The following SSBP3 variants were observed in gnomAD, a reference collection of about 807,000 sequenced individuals.
SSBP3 encodes the protein single-stranded DNA-binding protein 3.
In SSBP3, 5 loss-of-function variants were observed where a neutral mutation model predicts 69.6. The ratio of observed to expected loss-of-function variants is 0.07; its 90% CI spans 0.04 to 0.15. SSBP3 has a LOEUF of 0.15. Ranked by LOEUF, SSBP3 falls within the 10% of genes least tolerant of loss-of-function variation. The pLI, the probability that SSBP3 is intolerant of heterozygous loss-of-function variation, is 1.00. For missense variants in SSBP3, 312 were observed against 534.0 expected, an observed-to-expected ratio of 0.58 and a Z score of 4.10; for synonymous variants, 196 against 193.4, an observed-to-expected ratio of 1.01 and a Z score of -0.11.
chr1:54,347,319 A>G (rs1646705524), intron 4 of SSBP3, among the ~76,000 whole-genome samples: 1 of 151,588 alleles, frequency 6.6e-6, no homozygotes, highest in South Asian at 2.1e-4. Flanking sequence ...CTAATACAAT[A>G]TAAATACTAG....
intron 4 of SSBP3, among the ~76,000 whole-genome samples, chr1:54,348,887 A>G (rs1165195031): frequency 3.3e-5 from 5 of 152,160 alleles, no homozygotes; most frequent in African/African-American, 1.2e-4. Context: ...ACCTACACTC[A>G]AGGCAAGTCA....
chr1:54,397,933 G>A (rs758591676), intron 4 of SSBP3, among the ~76,000 whole-genome samples: 1 of 152,220 alleles, frequency 6.6e-6, no homozygotes, highest in African/African-American at 2.4e-5. Context: ...CCTTGCGGGG[G>A]CTTCCGTTCA....
intron 4 of SSBP3, among the ~76,000 whole-genome samples, chr1:54,332,839 C>A (rs560692127): frequency 2.0e-5 from 3 of 152,218 alleles, no homozygotes; most frequent in Non-Finnish European, 2.9e-5. Flanking sequence ...AGATTCAGTG[C>A]CCACAGGGGA....
chr1:54,239,836 G>C (rs1025477576), intron 13 of SSBP3, among the ~76,000 whole-genome samples: 4 of 152,328 alleles, frequency 2.6e-5, no homozygotes, highest in Admixed American at 2.6e-4. Context: ...GAGCCGAGGA[G>C]GGGGCGGGGG....
intron 4 of SSBP3, among the ~76,000 whole-genome samples, chr1:54,321,403 G>T (rs1646211264): frequency 6.6e-6 from 1 of 152,242 alleles, no homozygotes; most frequent in Admixed American, 6.5e-5. Context: ...CAAGTGGCTG[G>T]GTGGTATCCA....
At chr1:54,254,580 CA>C (rs1557465107) in intron 7 of SSBP3, among the ~76,000 whole-genome samples, 1 of 152,208 alleles carries the variant, frequency 6.6e-6, no homozygotes, top group Admixed American at 6.5e-5. Flanking sequence ...TCCCCTCACC[CA>C]AAAGGCACAT....
At chr1:54,324,127 TGGC>T (rs1290116606) in intron 4 of SSBP3, among the ~76,000 whole-genome samples, 1 of 152,206 alleles carries the variant, frequency 6.6e-6, no homozygotes, top group African/African-American at 2.4e-5. Context: ...CAAGGAATGC[TGGC>T]ATTTCAAACC....
chr1:54,332,656 G>A (rs1036708897), intron 4 of SSBP3, among the ~76,000 whole-genome samples: 9 of 152,094 alleles, frequency 5.9e-5, no homozygotes, highest in Non-Finnish European at 8.8e-5. Context: ...GAAGTGACAC[G>A]CTCCCAGGGG....
intron 4 of SSBP3, among the ~76,000 whole-genome samples, chr1:54,284,012 T>A (rs1645442848): frequency 6.6e-6 from 1 of 152,072 alleles, no homozygotes; most frequent in South Asian, 2.1e-4. Flanking sequence ...TGGGGTAAGG[T>A]AAACATCCAT....
In SSBP3 at chr1:54,242,296, G is replaced by T. The variant is rs1053988040; in HGVS notation, c.717-84C>A. 3.3e-5 allele frequency: 50 copies of T among 1,523,822 alleles called. No homozygotes were observed. The South Asian group carries it at 5.4e-4, about 16-fold the overall frequency. The allele number at this position is 1,523,822 out of a possible 1,614,324, so 94.4% of individuals were successfully genotyped here. ...GGAGGCAGCAGGGGCAGAAGGAAAG[G>T]GCTGAAATCACAACAGGAAGTCCTT... is the stretch of plus-strand genomic sequence containing the variant. On this transcript the variant is annotated intron_variant, in intron 10 of 17. Coordinates refer to ENST00000610401, the Ensembl canonical transcript of SSBP3.
chr1:54,304,788 G>A (rs1235807882), intron 4 of SSBP3, among the ~76,000 whole-genome samples: 2 of 152,178 alleles, frequency 1.3e-5, no homozygotes, highest in Admixed American at 6.5e-5. Flanking sequence ...CCTCACCAGT[G>A]GAAACAACCC....
In SSBP3 at chr1:54,404,996, G is replaced by A. The variant is rs970278962; in HGVS notation, c.57-66C>T. On this transcript the variant is annotated intron_variant, in intron 1 of 17. Coordinates refer to ENST00000610401, the Ensembl canonical transcript of SSBP3. The stretch of plus-strand genomic sequence containing the variant: ...GTCAGATCCCACCGGCGCTCTCCAG[G>A]ACCTTGCCAGCAGGCTTTGAGCCCT... 41 of 1,424,612 alleles carry A rather than the reference G, an allele frequency of 2.9e-5. No individual in the cohort carries two copies. In the African/African-American group the frequency reaches 3.9e-4, roughly 14 times the overall value. 88.2% of individuals were successfully genotyped at this position (1,424,612 alleles called of 1,614,324 possible). A position where few individuals can be genotyped will look rare whatever the true frequency, so the allele number is the denominator to read the frequency against.
chr1:54,291,629 G>C (rs1260124050), intron 4 of SSBP3, among the ~76,000 whole-genome samples: 1 of 152,250 alleles, frequency 6.6e-6, no homozygotes, highest in African/African-American at 2.4e-5. Context: ...GATGCAAGCT[G>C]TTGGCTTTAG....
At chr1:54,261,965 C>G (rs952602962) in intron 5 of SSBP3, among the ~76,000 whole-genome samples, 3 of 152,154 alleles carry the variant, frequency 2.0e-5, no homozygotes, top group Non-Finnish European at 4.4e-5. Flanking sequence ...AGAGGTGTGA[C>G]CTCTCCAAGA....
At chr1:54,238,546 G>A (rs1355096633) in intron 14 of SSBP3, 8 of 359,786 alleles carry the variant, frequency 2.2e-5, no homozygotes, top group Non-Finnish European at 3.4e-5. Flanking sequence ...CATCCAGTGG[G>A]TGCAGGGGAC....
At chr1:54,304,673 C>A (rs986322716) in intron 4 of SSBP3, among the ~76,000 whole-genome samples, 2 of 152,152 alleles carry the variant, frequency 1.3e-5, no homozygotes, top group Non-Finnish European at 2.9e-5. Flanking sequence ...CACAGTCCAG[C>A]GGGGTCACTG....
At chr1:54,306,212 T>G (rs1365232754) in intron 4 of SSBP3, among the ~76,000 whole-genome samples, 1 of 151,842 alleles carries the variant, frequency 6.6e-6, no homozygotes, top group Non-Finnish European at 1.5e-5. Flanking sequence ...ACGCACTGGG[T>G]CCCTCCCAAG....
At chr1:54,248,484 G>A (rs1644770508) in intron 9 of SSBP3, among the ~76,000 whole-genome samples, 1 of 152,222 alleles carries the variant, frequency 6.6e-6, no homozygotes, top group Non-Finnish European at 1.5e-5. Flanking sequence ...CTGAGCTGCT[G>A]TCAGGACTGT....
chr1:54,342,456 G>A (rs570095591), intron 4 of SSBP3, among the ~76,000 whole-genome samples: 1 of 152,310 alleles, frequency 6.6e-6, no homozygotes, highest in Admixed American at 6.5e-5. Context: ...AGTGGGTGGG[G>A]CCAGGGCAGG....
Sources: gnomAD v4.1 joint callset for allele counts (sites outside exome capture counted in the v4.1 genomes callset) on GRCh38, gnomAD v4.1.1 for gene constraint, MANE v1.5 for transcripts, NCBI Gene and HGNC (gene_info 2026-07-23, HGNC 2026-07-21) for gene names.